The following VOPP1 variants were observed in gnomAD, a reference collection of about 807,000 sequenced individuals.
VOPP1 encodes the protein VOPP1 WW domain binding protein.
VOPP1 carries 8 observed loss-of-function variants against 23.5 expected under a neutral mutation model. The observed-to-expected ratio is 0.34, with a 90% confidence interval of 0.20 to 0.61. VOPP1 has a LOEUF of 0.61. Ranked by LOEUF, VOPP1 falls within the 20% of genes least tolerant of loss-of-function variation. The pLI, the probability that VOPP1 is intolerant of heterozygous loss-of-function variation, is 0.78. For missense variants in VOPP1, 174 were observed against 238.1 expected (o/e 0.73, Z 1.77); for synonymous variants, 83 against 97.3 (o/e 0.85, Z 0.86).
intron 2 of VOPP1, among the ~76,000 whole-genome samples, chr7:55,516,473 T>G (rs1019787716): frequency 1.3e-5 from 2 of 152,190 alleles, no homozygotes; most frequent in Admixed American, 1.3e-4. Flanking sequence ...TTTGTATGTC[T>G]AGGTAGCTAC....
At chr7:55,492,514 C>A in intron 3 of VOPP1, 96 bp from the exon 4 acceptor site, 2 of 1,376,756 alleles carry the variant, frequency 1.5e-6, no homozygotes, top group Non-Finnish European at 1.9e-6. Context: ...CTCGGGGGTC[C>A]GGGACCAATG....
At chr7:55,546,130 C>G (rs1261205452) in intron 1 of VOPP1, among the ~76,000 whole-genome samples, 1 of 152,162 alleles carries the variant, frequency 6.6e-6, no homozygotes, top group African/African-American at 2.4e-5. Context: ...CTAAGCCCAG[C>G]TGTTCAATCA....
chr7:55,517,515 G>A (rs113395283), intron 2 of VOPP1, among the ~76,000 whole-genome samples: 3 of 152,144 alleles, frequency 2.0e-5, no homozygotes, highest in East Asian at 1.9e-4. Flanking sequence ...ATGGCAGCCC[G>A]CCAGCCTCTC....
chr7:55,564,275 T>TCGCTC (rs1798090905), intron 1 of VOPP1, among the ~76,000 whole-genome samples: 1 of 37,292 alleles, frequency 2.7e-5, no homozygotes, highest in African/African-American at 5.0e-5. Context: ...CTCGCTCGCT[T>TCGCTC]GCTCTCTCTC....
intron 2 of VOPP1, among the ~76,000 whole-genome samples, chr7:55,499,820 G>C (rs1245476083): frequency 1.3e-5 from 2 of 152,126 alleles, no homozygotes; most frequent in African/African-American, 4.8e-5. Context: ...CAGGGTGTGA[G>C]GGGGAGTGAG....
intron 4 of VOPP1, among the ~76,000 whole-genome samples, chr7:55,482,202 G>A (rs1341039597): frequency 2.6e-5 from 4 of 152,016 alleles, no homozygotes; most frequent in African/African-American, 7.2e-5. Context: ...ACTGATAAGC[G>A]GGAGGAAGGG....
intron 1 of VOPP1, among the ~76,000 whole-genome samples, chr7:55,548,294 A>C (rs1409981138): frequency 6.6e-6 from 1 of 152,242 alleles, no homozygotes; most frequent in African/African-American, 2.4e-5. Context: ...TGGGGGCTCC[A>C]GGAAGATCTG....
chr7:55,453,352 C>T (rs1791289138), intron 4 of VOPP1, among the ~76,000 whole-genome samples: 1 of 152,212 alleles, frequency 6.6e-6, no homozygotes, highest in African/African-American at 2.4e-5. Flanking sequence ...CTACCCGGTG[C>T]AAGAGGCCTA....
At position 55,492,359 on chromosome 7, in the gene VOPP1, C is replaced by A. The variant is rs201023957; in HGVS notation, c.251G>T (p.Arg84Leu). 1.2e-6 allele frequency: 2 copies of A among 1,607,934 alleles called. No homozygotes were observed. The highest frequency in any genetic ancestry group is 1.7e-5 in the Admixed American group (1 of 59,100). The change falls in exon 4 of 5, where the codon CGC becomes CTC. Residue 84 changes from arginine to leucine, a missense_variant. Arg to Leu is a moderately radical substitution (Grantham distance 102). Coordinates refer to ENST00000285279, the MANE Select transcript of VOPP1 (RefSeq NM_030796.5). ...CTCGATCAGCGGCGGGGGGTACATGCGCCTCCGGATGAAGAAGCCGGCTCC... is the reference window on the plus strand; with the variant it reads ...CTCGATCAGCGGCGGGGGGTACATGAGCCTCCGGATGAAGAAGCCGGCTCC... ...CCGAGFFIRR[R>L]MYPPPLIEEP...
intron 1 of VOPP1, chr7:55,561,720 G>T: frequency 9.2e-6 from 3 of 327,592 alleles, no homozygotes; most frequent in East Asian, 5.0e-5. Flanking sequence ...AAAAAAAGAA[G>T]AAGAATTCAC....
At chr7:55,519,313 C>T (rs1368639429) in intron 2 of VOPP1, among the ~76,000 whole-genome samples, 1 of 152,148 alleles carries the variant, frequency 6.6e-6, no homozygotes, top group African/African-American at 2.4e-5. Flanking sequence ...CAGTTCAATG[C>T]AATGCAAAAC....
intron 2 of VOPP1, among the ~76,000 whole-genome samples, chr7:55,519,498 G>T (rs533706797): frequency 1.7e-4 from 26 of 151,722 alleles, no homozygotes; most frequent in African/African-American, 6.1e-4. Context: ...CCACATTTGC[G>T]CAAAAAGCTA....
At chr7:55,499,961 A>G (rs1794254047) in intron 2 of VOPP1, among the ~76,000 whole-genome samples, 3 of 152,108 alleles carry the variant, frequency 2.0e-5, no homozygotes, top group Admixed American at 1.3e-4. Context: ...TGTGTGGAAG[A>G]GAAGGGAGCA....
At chr7:55,492,463 C>T (rs747732516) in intron 3 of VOPP1, 45 bp from the exon 4 acceptor site, 3 of 1,564,724 alleles carry the variant, frequency 1.9e-6, no homozygotes, top group Non-Finnish European at 1.7e-6. Flanking sequence ...AGGTGGGGGC[C>T]CTGAGGGCTT....
At chr7:55,562,710 T>A (rs751238571) in intron 1 of VOPP1, among the ~76,000 whole-genome samples, 7 of 151,980 alleles carry the variant, frequency 4.6e-5, no homozygotes, top group Admixed American at 6.6e-5. Context: ...ATATTAAGCG[T>A]GAGGGGATGA....
downstream of VOPP1, among the ~76,000 whole-genome samples, chr7:55,466,030 A>C (rs993907089): frequency 1.3e-5 from 2 of 152,154 alleles, no homozygotes; most frequent in African/African-American, 4.8e-5. Flanking sequence ...GGGAGCCCTC[A>C]TGAAAGGGAT....
At chr7:55,541,119 A>G (rs1024026740) in intron 1 of VOPP1, among the ~76,000 whole-genome samples, 24 of 152,244 alleles carry the variant, frequency 1.6e-4, no homozygotes, top group African/African-American at 5.5e-4. Flanking sequence ...AAATGGGCAA[A>G]GGAGTGACTG....
intron 4 of VOPP1, among the ~76,000 whole-genome samples, chr7:55,491,352 T>C (rs150688631): frequency 0.012 from 1,753 of 152,356 alleles, 12 homozygotes; most frequent in Middle Eastern, 0.02. Context: ...ACTGAAACTT[T>C]GTAAAAGCGA....
downstream of VOPP1, among the ~76,000 whole-genome samples, chr7:55,466,533 C>A (rs144214143): frequency 7.0e-4 from 106 of 152,318 alleles, no homozygotes; most frequent in South Asian, 4.1e-3. Context: ...AGCTGAGTTT[C>A]TTTCCTCTAG....
Sources: allele counts gnomAD v4.1 joint callset (sites outside exome capture counted in the v4.1 genomes callset), GRCh38; gene constraint gnomAD v4.1.1; transcripts MANE v1.5; gene names NCBI Gene and HGNC (gene_info 2026-07-23, HGNC 2026-07-21).